Variants in ROBO1 observed in about 807,000 individuals in gnomAD.
The protein encoded by ROBO1 is roundabout homolog 1.
ROBO1 carries 149 observed loss-of-function variants against 195.9 expected under a neutral mutation model. The observed-to-expected ratio is 0.76, with a 90% CI of 0.67 to 0.87. ROBO1 has a LOEUF of 0.87. Among genes scored for constraint, ROBO1 ranks in the 40% least tolerant of loss-of-function variants. ROBO1 has a pLI of 0.00. For missense variants in ROBO1, 1,933 were observed against 2,068.3 expected, an observed-to-expected ratio of 0.93 and a Z score of 1.27; for synonymous variants, 816 against 733.2, an observed-to-expected ratio of 1.11 and a Z score of -1.82.
In ROBO1 at chr3:78,858,592, G is replaced by A. The variant is rs1279631849; in HGVS notation, c.499+80009C>T. On this transcript the variant is annotated intron_variant, in intron 4 of 30. Coordinates refer to ENST00000464233, the MANE Select transcript of ROBO1 (RefSeq NM_002941.4). ...AAAAAAAAAAAAAAAAAAAGGAGAA[G>A]AAGAAAAATTATCTGGGCATGGTAG... 1.4e-5 allele frequency among the ~76,000 whole-genome samples: 2 copies of A among 145,828 alleles called. 1 individual carries two copies. Among genetic ancestry groups the A allele is most frequent in the Admixed American group, 1.4e-4 (2 of 14,652 alleles).
chr3:79,088,376 T>G lies in ROBO1; in HGVS notation c.172+37080A>C, dbSNP rs924220386. Among the ~76,000 whole-genome samples, 3 of 152,280 alleles carry G rather than the reference T, an allele frequency of 2.0e-5. No homozygotes were observed. In the East Asian group the frequency reaches 5.8e-4, roughly 29 times the overall value. On this transcript the variant is annotated intron_variant, in intron 3 of 30. Coordinates refer to ENST00000464233, the MANE Select transcript of ROBO1 (RefSeq NM_002941.4). ...AGAAAATATCAGAATGTAGAATGAT[T>G]TAAAGCTTGTTTTATTTAGTAAGCC...
intron 8 of ROBO1, among the ~76,000 whole-genome samples, chr3:78,713,640 A>G (rs147784452): frequency 6.6e-6 from 1 of 152,198 alleles, no homozygotes; most frequent in African/African-American, 2.4e-5. Context: ...ACAGAGAAAA[A>G]CAAAATGGGA....
At chr3:78,981,778 G>A (rs947510770) in intron 3 of ROBO1, among the ~76,000 whole-genome samples, 1 of 140,832 alleles carries the variant, frequency 7.1e-6, no homozygotes, top group African/African-American at 2.8e-5. Flanking sequence ...CCCATCCCCT[G>A]GCCCCTGCCA....
At chr3:79,447,007 T>TC in intron 2 of ROBO1, among the ~76,000 whole-genome samples, 1 of 151,860 alleles carries the variant, frequency 6.6e-6, no homozygotes, top group East Asian at 1.9e-4. Context: ...TATTTTTTTT[T>TC]TTTAGTAGAG....
chr3:79,082,210 T>G (rs2079286792), intron 3 of ROBO1, among the ~76,000 whole-genome samples: 1 of 152,154 alleles, frequency 6.6e-6, no homozygotes, highest in Non-Finnish European at 1.5e-5. Context: ...AAGAAATAAC[T>G]GTTCTAACTG....
At chr3:79,764,008 G>T (rs1278347343) in intron 1 of ROBO1, among the ~76,000 whole-genome samples, 1 of 152,164 alleles carries the variant, frequency 6.6e-6, no homozygotes, top group Non-Finnish European at 1.5e-5. Context: ...TCATGAGAAA[G>T]AACTTGTTTT....
chr3:78,830,278 C>T (rs908415875), intron 4 of ROBO1, among the ~76,000 whole-genome samples: 1 of 152,274 alleles, frequency 6.6e-6, no homozygotes, highest in Admixed American at 6.5e-5. Flanking sequence ...AGAATATTCT[C>T]TCCTGATGTT....
chr3:79,104,367 T>C (rs2079735744), intron 3 of ROBO1, among the ~76,000 whole-genome samples: 1 of 151,800 alleles, frequency 6.6e-6, no homozygotes, highest in South Asian at 2.1e-4. Flanking sequence ...TAAGTCATGA[T>C]AGAACAGCAT....
intron 2 of ROBO1, among the ~76,000 whole-genome samples, chr3:79,168,153 A>G (rs1034588203): frequency 1.3e-5 from 2 of 152,112 alleles, no homozygotes; most frequent in South Asian, 2.1e-4. Context: ...TGCTGGCACA[A>G]CCCTATCGGC....
At chr3:79,541,767 CTA>C (rs1185216675) in intron 2 of ROBO1, among the ~76,000 whole-genome samples, 1 of 116,100 alleles carries the variant, frequency 8.6e-6, no homozygotes, top group African/African-American at 3.2e-5. Flanking sequence ...GTGTGTGTGT[CTA>C]TATATGTGTG....
intron 1 of ROBO1, among the ~76,000 whole-genome samples, chr3:79,766,128 T>A (rs1576337016): frequency 6.6e-6 from 1 of 152,104 alleles, no homozygotes; most frequent in East Asian, 1.9e-4. Context: ...AGTGAGTTCC[T>A]GCGTCTGGAA....
intron 3 of ROBO1, among the ~76,000 whole-genome samples, chr3:79,041,539 TA>T (rs1426750620): frequency 6.6e-6 from 1 of 152,198 alleles, no homozygotes; most frequent in Non-Finnish European, 1.5e-5. Flanking sequence ...AATTAACAGT[TA>T]TATTTTTGAA....
rs572627449 is a variant in ROBO1 at position 79,560,300 on chromosome 3, G to A, written c.88+29524C>T. 1.5e-4 allele frequency among the ~76,000 whole-genome samples: 22 copies of A among 143,420 alleles called. No individual in the cohort carries two copies. The East Asian group carries it at 1.9e-3, about 12-fold the overall frequency. The allele number at this position is 143,420 out of a possible 152,430, so 94.1% of individuals were successfully genotyped here. On this transcript the variant is annotated intron_variant, in intron 2 of 30. Transcript: ENST00000464233. ...TCGCAAGGACAAAAAACCAAACACCGCATATTCTCACTCACAGGTGGGAAT... is the reference window on the plus strand; with the variant it reads ...TCGCAAGGACAAAAAACCAAACACCACATATTCTCACTCACAGGTGGGAAT...
intron 4 of ROBO1, among the ~76,000 whole-genome samples, chr3:78,800,879 A>G (rs1438812091): frequency 6.6e-6 from 1 of 152,118 alleles, no homozygotes; most frequent in African/African-American, 2.4e-5. Flanking sequence ...GAAATTTTTA[A>G]AAAATGATTT....
At chr3:79,233,475 AAAG>A (rs894712623) in intron 2 of ROBO1, among the ~76,000 whole-genome samples, 2 of 152,184 alleles carry the variant, frequency 1.3e-5, no homozygotes, top group Non-Finnish European at 2.9e-5. Flanking sequence ...ATTAAAAATA[AAAG>A]AAGTATAACT....
At chr3:78,687,992 C>T (rs778057894) in intron 9 of ROBO1, among the ~76,000 whole-genome samples, 27 of 151,944 alleles carry the variant, frequency 1.8e-4, no homozygotes, top group Non-Finnish European at 3.4e-4. Context: ...ATATTTTAAA[C>T]GCTTCTAAGA....
chr3:79,678,400 G>A (rs1269467215), intron 1 of ROBO1, among the ~76,000 whole-genome samples: 2 of 151,896 alleles, frequency 1.3e-5, no homozygotes, highest in African/African-American at 4.8e-5. Context: ...AGCCACTAAA[G>A]TAAGACTCCT....
In ROBO1 at chr3:79,062,979, A is replaced by G. The variant is rs535723596; in HGVS notation, c.172+62477T>C. Among the ~76,000 whole-genome samples the G allele has an allele frequency of 2.0e-5, 3 of 152,148 alleles. No homozygotes were observed. In the East Asian group the frequency reaches 5.8e-4, roughly 30 times the overall value. On this transcript the variant is annotated intron_variant, in intron 3 of 30. Coordinates refer to ENST00000464233, the MANE Select transcript of ROBO1 (RefSeq NM_002941.4). Reference sequence around the variant, plus strand: ...ACATGTACCCTAGAACTTAAAGTATAATTAAAAAGAAAAGAAGAAGAAAAA... The same window carrying G: ...ACATGTACCCTAGAACTTAAAGTATGATTAAAAAGAAAAGAAGAAGAAAAA...
chr3:79,508,719 A>G (rs1940542788), intron 2 of ROBO1, among the ~76,000 whole-genome samples: 1 of 152,202 alleles, frequency 6.6e-6, no homozygotes, highest in African/African-American at 2.4e-5. Flanking sequence ...CTGAGAAAAA[A>G]TCAAAAATAT....
Sources: allele counts gnomAD v4.1 joint callset (sites outside exome capture counted in the v4.1 genomes callset), GRCh38; gene constraint gnomAD v4.1.1; transcripts MANE v1.5; gene names NCBI Gene and HGNC (gene_info 2026-07-23, HGNC 2026-07-21).